The following VWC2L variants were observed in gnomAD, a reference collection of about 807,000 sequenced individuals.
VWC2L encodes von Willebrand factor C domain-containing protein 2-like.
VWC2L carries 10 observed loss-of-function variants against 21.6 expected under a neutral mutation model. That is an observed-to-expected ratio of 0.46 (90% confidence interval 0.29 to 0.78). VWC2L has a LOEUF of 0.78. Ranked by LOEUF, VWC2L falls within the 30% of genes least tolerant of loss-of-function variation. The probability of loss-of-function intolerance (pLI) is 0.10; values close to 1 mark genes in which losing one functional copy is unlikely to be tolerated. For missense variants in VWC2L, 209 were observed against 277.1 expected (o/e 0.75, Z 1.74); for synonymous variants, 96 against 94.3 (o/e 1.02, Z -0.10).
intron 3 of VWC2L, among the ~76,000 whole-genome samples, chr2:214,567,998 T>C (rs989889751): frequency 6.6e-6 from 1 of 152,170 alleles, no homozygotes; most frequent in Non-Finnish European, 1.5e-5. Flanking sequence ...TAGGAAAATA[T>C]ATGATTATGA....
intron 3 of VWC2L, among the ~76,000 whole-genome samples, chr2:214,452,726 C>T (rs1332518011): frequency 1.3e-5 from 2 of 152,068 alleles, no homozygotes; most frequent in African/African-American, 4.8e-5. Context: ...GCCAGTTTCT[C>T]CACCTCCTCA....
At chr2:214,498,050 C>A (rs895494910) in intron 3 of VWC2L, among the ~76,000 whole-genome samples, 1 of 152,098 alleles carries the variant, frequency 6.6e-6, no homozygotes, top group Non-Finnish European at 1.5e-5. Context: ...AGAGGCTCCA[C>A]CCGCTTCAAC....
At chr2:214,495,952 C>T (rs930383240) in intron 3 of VWC2L, among the ~76,000 whole-genome samples, 1 of 152,084 alleles carries the variant, frequency 6.6e-6, no homozygotes. Flanking sequence ...TGTTGCTTAA[C>T]ATCAAGGATA....
intron 3 of VWC2L, among the ~76,000 whole-genome samples, chr2:214,512,600 A>C (rs1385116482): frequency 6.6e-6 from 1 of 152,188 alleles, no homozygotes. Flanking sequence ...ACTTTCTAAA[A>C]ATTTTTGTCA....
intron 3 of VWC2L, among the ~76,000 whole-genome samples, chr2:214,512,185 T>C (rs1447886996): frequency 1.3e-5 from 2 of 152,186 alleles, no homozygotes; most frequent in Non-Finnish European, 2.9e-5. Flanking sequence ...AGCAAGCAAC[T>C]GTGTTGCTAC....
At chr2:214,443,549 A>G (rs1702793738) in intron 3 of VWC2L, among the ~76,000 whole-genome samples, 1 of 152,208 alleles carries the variant, frequency 6.6e-6, no homozygotes, top group South Asian at 2.1e-4. Flanking sequence ...CCCCGTTAGT[A>G]TAATTTGCCT....
At chr2:214,546,895 A>G (rs1056254683) in intron 3 of VWC2L, among the ~76,000 whole-genome samples, 10 of 152,168 alleles carry the variant, frequency 6.6e-5, no homozygotes, top group Non-Finnish European at 1.3e-4. Flanking sequence ...TTTTAATACT[A>G]AGGACAAAAC....
chr2:214,563,985 T>TC (rs1314222747), intron 3 of VWC2L, among the ~76,000 whole-genome samples: 1 of 152,074 alleles, frequency 6.6e-6, no homozygotes, highest in Non-Finnish European at 1.5e-5. Flanking sequence ...ACAACTAAAA[T>TC]CAACGTGTAG....
chr2:214,499,617 C>T (rs1298600838), intron 3 of VWC2L, among the ~76,000 whole-genome samples: 1 of 151,954 alleles, frequency 6.6e-6, no homozygotes, highest in Non-Finnish European at 1.5e-5. Flanking sequence ...CAAACCTGCA[C>T]GTTGTGCATA....
chr2:214,565,930 G>A (rs1018056014), intron 3 of VWC2L, among the ~76,000 whole-genome samples: 2 of 152,102 alleles, frequency 1.3e-5, no homozygotes, highest in South Asian at 4.1e-4. Flanking sequence ...CTGAAACGTG[G>A]ACAGTCTGGC....
At chr2:214,472,962 T>C (rs555509139) in intron 3 of VWC2L, among the ~76,000 whole-genome samples, 56 of 152,348 alleles carry the variant, frequency 3.7e-4, no homozygotes, top group African/African-American at 1.3e-3. Flanking sequence ...TTTTGAATGA[T>C]AAAGCCATTT....
At chr2:214,545,510 T>C (rs1290811267) in intron 3 of VWC2L, among the ~76,000 whole-genome samples, 3 of 152,234 alleles carry the variant, frequency 2.0e-5, no homozygotes, top group Non-Finnish European at 2.9e-5. Flanking sequence ...TCTGTGACAG[T>C]AATATTAAGT....
intron 3 of VWC2L, among the ~76,000 whole-genome samples, chr2:214,443,911 T>C (rs1216083207): frequency 1.3e-5 from 2 of 152,132 alleles, no homozygotes; most frequent in Non-Finnish European, 1.5e-5. Flanking sequence ...GCAGATGATA[T>C]GTGATTGCAT....
At chr2:214,470,148 G>A (rs1259729446) in intron 3 of VWC2L, among the ~76,000 whole-genome samples, 1 of 151,864 alleles carries the variant, frequency 6.6e-6, no homozygotes, top group East Asian at 1.9e-4. Context: ...CTGTAGTTCC[G>A]AGAGAAAAGC....
chr2:214,506,844 A>G (rs1688974251), intron 3 of VWC2L, among the ~76,000 whole-genome samples: 1 of 152,148 alleles, frequency 6.6e-6, no homozygotes, highest in Non-Finnish European at 1.5e-5. Context: ...TTTTGTGAAC[A>G]ATGGAATATA....
At chr2:214,569,336 GAC>G (rs148085755) in intron 3 of VWC2L, among the ~76,000 whole-genome samples, 2 of 150,746 alleles carry the variant, frequency 1.3e-5, no homozygotes, top group Non-Finnish European at 3.0e-5. Flanking sequence ...CACACACACA[GAC>G]ACACACACAC....
intron 3 of VWC2L, among the ~76,000 whole-genome samples, chr2:214,497,212 G>GA (rs58393156): frequency 0.99 from 150,866 of 151,942 alleles, 74,899 homozygotes; most frequent in East Asian, 1. Context: ...TATTGGAAAG[G>GA]AAAAAAAACC....
chr2:214,446,986 C>A (rs1702847446), intron 3 of VWC2L, among the ~76,000 whole-genome samples: 1 of 152,120 alleles, frequency 6.6e-6, no homozygotes, highest in African/African-American at 2.4e-5. Flanking sequence ...CTGTCTCATT[C>A]TTGAACCTCT....
At chr2:214,416,461 T>C (rs1702356887) in intron 2 of VWC2L, among the ~76,000 whole-genome samples, 1 of 152,078 alleles carries the variant, frequency 6.6e-6, no homozygotes, top group Non-Finnish European at 1.5e-5. Context: ...TTGATGTGAT[T>C]TTTAAAATAA....
Sources: allele counts gnomAD v4.1 joint callset (sites outside exome capture counted in the v4.1 genomes callset), GRCh38; gene constraint gnomAD v4.1.1; transcripts MANE v1.5; gene names NCBI Gene and HGNC (gene_info 2026-07-23, HGNC 2026-07-21).